The following EFNA2 variants were observed in gnomAD, a reference collection of about 807,000 sequenced individuals.
EFNA2 encodes the protein ephrin-A2.
A neutral mutation model predicts 19.7 loss-of-function variants in EFNA2; 18 were observed. The observed-to-expected ratio is 0.91, with a 90% CI of 0.63 to 1.35. EFNA2 has a LOEUF of 1.35. Ranked by LOEUF, EFNA2 falls within the 40% of genes most tolerant of loss-of-function variation. The pLI is 0.00. For missense variants in EFNA2, 303 were observed against 296.0 expected (o/e 1.02, Z -0.17); for synonymous variants, 187 against 137.8 (o/e 1.36, Z -2.50).
Position 1,295,878 on chromosome 19 carries a change from G to A in EFNA2, c.454+20G>A. 1 of 1,559,172 alleles carries A rather than the reference G, an allele frequency of 6.4e-7. No homozygotes were observed. Among genetic ancestry groups the A allele is most frequent in the Non-Finnish European group, 8.6e-7 (1 of 1,161,212 alleles). On this transcript the variant is annotated intron_variant, in intron 2 of 3. Transcript: ENST00000215368. This position sits in a 1 kb window ranked among gnomAD's most constrained non-coding sequence, Gnocchi z 5.8. ...ACATCTGTGAGTGGGGTCGGGCCGG[G>A]GCTGCCGGGGCCCGAGTGGGCGGGG...
intron 1 of EFNA2, among the ~76,000 whole-genome samples, chr19:1,290,654 A>G (rs1049610493): frequency 5.6e-4 from 85 of 152,080 alleles, no homozygotes; most frequent in Non-Finnish European, 1.0e-3. Context: ...TCTCCTCCCC[A>G]GGAACCGGGA....
Position 1,295,885 on chromosome 19 carries a change from G to A in EFNA2, c.454+27G>A, listed in dbSNP as rs778183763. 4 of 1,546,578 alleles carry A rather than the reference G, an allele frequency of 2.6e-6. No homozygotes were observed. Among genetic ancestry groups the A allele is most frequent in the South Asian group, 1.2e-5 (1 of 82,406 alleles). On this transcript the variant is annotated intron_variant, in intron 2 of 3. Coordinates refer to ENST00000215368, the MANE Select transcript of EFNA2 (RefSeq NM_001405.4). The surrounding 1 kb of genome is among the most constrained non-coding windows in gnomAD (Gnocchi z 5.8). ...TGAGTGGGGTCGGGCCGGGGCTGCC[G>A]GGGCCCGAGTGGGCGGGGACGCGGG...
chr19:1,301,257 G>A lies in EFNA2; in HGVS notation c.*1312G>A, dbSNP rs1600064297. Among the ~76,000 whole-genome samples, 1 of 148,812 alleles carries A rather than the reference G, an allele frequency of 6.7e-6. No homozygotes were observed. Among genetic ancestry groups the A allele is most frequent in the Admixed American group, 6.7e-5 (1 of 14,938 alleles). ...TAAATATATATTGTGTACGGCCGCCGGCCGGCGGCTCGAGGCACGCCCGGT... is the reference window on the plus strand; with the variant it reads ...TAAATATATATTGTGTACGGCCGCCAGCCGGCGGCTCGAGGCACGCCCGGT... On this transcript the variant is annotated 3_prime_UTR_variant, in exon 4 of 4. Coordinates refer to ENST00000215368, the MANE Select transcript of EFNA2 (RefSeq NM_001405.4).
At chr19:1,299,469 T>G (rs1011883494) in intron 3 of EFNA2, among the ~76,000 whole-genome samples, 2 of 150,382 alleles carry the variant, frequency 1.3e-5, no homozygotes, top group African/African-American at 4.9e-5. Flanking sequence ...AGCTGGAGAA[T>G]CGCCTGAACC....
Position 1,300,005 on chromosome 19 carries a change from G to C in EFNA2, c.*60G>C. ...GGCCCCGCCTGGACCGCCTGACCTCGGCCCTCCGGACCCGGCTGCGGCCCC... is the reference window on the plus strand; with the variant it reads ...GGCCCCGCCTGGACCGCCTGACCTCCGCCCTCCGGACCCGGCTGCGGCCCC... On this transcript the variant is annotated 3_prime_UTR_variant, in exon 4 of 4. Coordinates refer to ENST00000215368, the MANE Select transcript of EFNA2 (RefSeq NM_001405.4). 2.6e-6 allele frequency: 4 copies of C among 1,534,788 alleles called. No homozygotes were observed. The highest frequency in any genetic ancestry group is 2.4e-5 in the South Asian group (2 of 83,568).
At chr19:1,284,327 G>C (rs1225106195), upstream of EFNA2, among the ~76,000 whole-genome samples, 4 of 152,238 alleles carry the variant, frequency 2.6e-5, no homozygotes, top group Non-Finnish European at 4.4e-5. This position sits in a 1 kb window ranked among gnomAD's most constrained non-coding sequence, Gnocchi z 5.3. Flanking sequence ...CCACTGAAGA[G>C]ACACCCGGCC....
Position 1,287,064 on chromosome 19 carries a change from C to T in EFNA2, c.140+756C>T, listed in dbSNP as rs867726317. Among the ~76,000 whole-genome samples the T allele has an allele frequency of 1.7e-4, 26 of 152,332 alleles. No individual in the cohort carries two copies. Among genetic ancestry groups the T allele is most frequent in the Middle Eastern group, 6.8e-3 (2 of 294 alleles). Reference sequence around the variant, plus strand: ...CAGTGCCCTGCCTGCCACGCCCGGCCGAGATGCCGCACCCGCCTGCTGCAG... The same window carrying T: ...CAGTGCCCTGCCTGCCACGCCCGGCTGAGATGCCGCACCCGCCTGCTGCAG... On this transcript the variant is annotated intron_variant, in intron 1 of 3. Transcript: ENST00000215368. This position sits in a 1 kb window ranked among gnomAD's most constrained non-coding sequence, Gnocchi z 6.2.
rs749678670 is a variant in EFNA2, at chr19:1,295,888, G to A, written c.454+30G>A. The A allele has an allele frequency of 6.7e-7, 1 of 1,503,318 alleles. No homozygotes were observed. The highest frequency in any genetic ancestry group is 8.8e-7 in the Non-Finnish European group (1 of 1,131,418). 93.1% of individuals were successfully genotyped at this position (1,503,318 alleles called of 1,614,324 possible). A position where few individuals can be genotyped will look rare whatever the true frequency, so the allele number is the denominator to read the frequency against. On this transcript the variant is annotated intron_variant, in intron 2 of 3. Transcript: ENST00000215368. The surrounding 1 kb of genome is among the most constrained non-coding windows in gnomAD (Gnocchi z 5.8). Reference sequence around the variant, plus strand: ...GTGGGGTCGGGCCGGGGCTGCCGGGGCCCGAGTGGGCGGGGACGCGGGGGC... The same window carrying A: ...GTGGGGTCGGGCCGGGGCTGCCGGGACCCGAGTGGGCGGGGACGCGGGGGC...
chr19:1,300,097 C>T lies in EFNA2; in HGVS notation c.*152C>T, dbSNP rs1176978550. On this transcript the variant is annotated 3_prime_UTR_variant, in exon 4 of 4. Coordinates refer to ENST00000215368, the MANE Select transcript of EFNA2 (RefSeq NM_001405.4). ...GGTGCCGCCCCCGCCGGGCAGGGGC[C>T]ATCCACCCGCCCCAGGACCAGCCCT... The T allele has an allele frequency of 3.6e-6, 4 of 1,119,184 alleles. No individual in the cohort carries two copies. The highest frequency in any genetic ancestry group is 3.6e-6 in the Non-Finnish European group (3 of 823,376). The allele number at this position is 1,119,184 out of a possible 1,614,324, so 69.3% of individuals were successfully genotyped here. A position where few individuals can be genotyped will look rare whatever the true frequency, so the allele number is the denominator to read the frequency against.
At chr19:1,284,787 T>A (rs141405047), upstream of EFNA2, among the ~76,000 whole-genome samples, 234 of 152,348 alleles carry the variant, frequency 1.5e-3, 1 homozygote, top group Admixed American at 4.1e-3. The surrounding 1 kb of genome is among the most constrained non-coding windows in gnomAD (Gnocchi z 5.3). Context: ...CTGTTGGTGC[T>A]TGCCCTGCAG....
intron 1 of EFNA2, among the ~76,000 whole-genome samples, chr19:1,288,589 G>A (rs964507879): frequency 1.3e-5 from 2 of 152,086 alleles, no homozygotes; most frequent in East Asian, 3.8e-4. Flanking sequence ...CCGTGTGCTC[G>A]ATGGGGCCTG....
At chr19:1,289,514 C>G (rs561000135) in intron 1 of EFNA2, among the ~76,000 whole-genome samples, 4 of 152,310 alleles carry the variant, frequency 2.6e-5, no homozygotes, top group East Asian at 3.9e-4. Flanking sequence ...GACCAGGGCC[C>G]GTGTGCAGAC....
In EFNA2 at chr19:1,294,046, A is replaced by T. The variant is rs1481515630; in HGVS notation, c.141-1499A>T. Among the ~76,000 whole-genome samples the T allele has an allele frequency of 6.6e-6, 1 of 152,182 alleles. No individual in the cohort carries two copies. Among genetic ancestry groups the T allele is most frequent in the Non-Finnish European group, 1.5e-5 (1 of 68,016 alleles). ...GGTGGCGGTGGCTGTGCCGGGCTAG[A>T]GGCAGTGCCAGGGCCGGGATCGTAG... On this transcript the variant is annotated intron_variant, in intron 1 of 3. Coordinates refer to ENST00000215368, the MANE Select transcript of EFNA2 (RefSeq NM_001405.4). The surrounding 1 kb of genome is among the most constrained non-coding windows in gnomAD (Gnocchi z 5.8).
At position 1,295,292 on chromosome 19, in the gene EFNA2, C is replaced by G. The variant is rs994477914; in HGVS notation, c.141-253C>G. 3.3e-5 allele frequency among the ~76,000 whole-genome samples: 5 copies of G among 151,930 alleles called. No individual in the cohort carries two copies. The highest frequency in any genetic ancestry group is 9.7e-5 in the African/African-American group (4 of 41,350). Reference sequence around the variant, plus strand: ...CCGTCCCTCCCCGCTCACCCTGTCCCGTGCCCTGTGCACCTGTCCCCGGAG... The same window carrying G: ...CCGTCCCTCCCCGCTCACCCTGTCCGGTGCCCTGTGCACCTGTCCCCGGAG... On this transcript the variant is annotated intron_variant, in intron 1 of 3. Coordinates refer to ENST00000215368, the MANE Select transcript of EFNA2 (RefSeq NM_001405.4). This position sits in a 1 kb window ranked among gnomAD's most constrained non-coding sequence, Gnocchi z 5.8.
chr19:1,293,620 G>A (rs1318419659), intron 1 of EFNA2, among the ~76,000 whole-genome samples: 1 of 150,320 alleles, frequency 6.7e-6, no homozygotes, highest in Non-Finnish European at 1.5e-5. Flanking sequence ...GTGCCCGGGG[G>A]AGATTTCCCT....
rs941326061 is a variant in EFNA2 at position 1,288,344 on chromosome 19, T to C, written c.140+2036T>C. 3.3e-5 allele frequency among the ~76,000 whole-genome samples: 5 copies of C among 151,458 alleles called. No homozygotes were observed. The East Asian group carries it at 9.7e-4, about 29-fold the overall frequency. ...GGGTGTCAGGCACAGCAGGGGGTGG[T>C]GCTGGGCCTCCGTATCCAAGGGGAC... On this transcript the variant is annotated intron_variant, in intron 1 of 3. Coordinates refer to ENST00000215368, the MANE Select transcript of EFNA2 (RefSeq NM_001405.4).
Position 1,286,658 on chromosome 19 carries a change from CT to C in EFNA2, c.140+351del, listed in dbSNP as rs990697292. 1.3e-5 allele frequency among the ~76,000 whole-genome samples: 2 copies of C among 152,154 alleles called. No homozygotes were observed. Among genetic ancestry groups the C allele is most frequent in the Non-Finnish European group, 2.9e-5 (2 of 68,008 alleles). On this transcript the variant is annotated intron_variant, in intron 1 of 3. Coordinates refer to ENST00000215368, the MANE Select transcript of EFNA2 (RefSeq NM_001405.4). This position sits in a 1 kb window ranked among gnomAD's most constrained non-coding sequence, Gnocchi z 5.6. The stretch of plus-strand genomic sequence containing the variant: ...TGCCTGCCTGGACTTGGGGGGACCC[CT>C]GATCCACCCGCTTCTCTGGGGAGCC...
At chr19:1,290,910 G>C (rs972951312) in intron 1 of EFNA2, among the ~76,000 whole-genome samples, 4 of 152,214 alleles carry the variant, frequency 2.6e-5, no homozygotes, top group African/African-American at 9.7e-5. Context: ...CCTGGTGGGG[G>C]GCTCGTGCCA....
rs1425791299 is a variant in EFNA2, at chr19:1,300,170, CG to C, written c.*229del. On this transcript the variant is annotated 3_prime_UTR_variant, in exon 4 of 4. Coordinates refer to ENST00000215368, the MANE Select transcript of EFNA2 (RefSeq NM_001405.4). ...GCCCCCCCCCGGAGGCCCGAGGGGC[CG>C]GGGTGTGGATGCGGACCGTGGCCAG... The C allele has an allele frequency of 2.2e-6, 1 of 448,434 alleles. No homozygotes were observed. Among genetic ancestry groups the C allele is most frequent in the African/African-American group, 2.2e-5 (1 of 45,432 alleles). 27.8% of individuals were successfully genotyped at this position (448,434 alleles called of 1,614,324 possible).
Sources: gnomAD v4.1 joint callset for allele counts (sites outside exome capture counted in the v4.1 genomes callset) on GRCh38, gnomAD v4.1.1 for gene constraint, Gnocchi (gnomAD v3.1) non-coding constraint, MANE v1.5 for transcripts, NCBI Gene and HGNC (gene_info 2026-07-23, HGNC 2026-07-21) for gene names.